Variants in PARP8 observed in about 807,000 individuals in gnomAD.
PARP8 encodes the protein protein mono-ADP-ribosyltransferase PARP8.
In PARP8, 51 loss-of-function variants were observed where a neutral mutation model predicts 124.1. The observed-to-expected ratio is 0.41, with a 90% CI of 0.33 to 0.52. The LOEUF is 0.52. PARP8 is among the 20% of genes least tolerant of loss of function. PARP8 has a pLI of 0.21. For missense variants in PARP8, 860 were observed against 1,018.9 expected (o/e 0.84, Z 2.12); for synonymous variants, 391 against 361.5 (o/e 1.08, Z -0.93).
Position 50,763,174 on chromosome 5 carries a change from G to A in PARP8, c.450G>A (p.Lys150=), listed in dbSNP as rs550488402. ...GQVNYDGELH[K]HPQLEADLSA... ...TGAACTATGATGGGGAACTGCACAA[G>A]CACCCACAACTGGAAGCTGATTTGT... Residue 150 remains lysine, a synonymous_variant, in exon 7 of 26, where the codon AAG becomes AAA. Transcript: ENST00000281631. 4 of 1,613,546 alleles carry A rather than the reference G, an allele frequency of 2.5e-6. No homozygotes were observed. Among genetic ancestry groups the A allele is most frequent in the African/African-American group, 2.7e-5 (2 of 75,026 alleles).
intron 9 of PARP8, among the ~76,000 whole-genome samples, chr5:50,780,920 C>A (rs778543455): frequency 8.1e-5 from 1 of 12,414 alleles, no homozygotes; most frequent in African/African-American, 3.6e-4. Context: ...TTGTTGTGTA[C>A]TTTTTGGACT....
At chr5:50,766,874 G>C (rs1456717240) in intron 7 of PARP8, among the ~76,000 whole-genome samples, 1 of 152,030 alleles carries the variant, frequency 6.6e-6, no homozygotes, top group Non-Finnish European at 1.5e-5. Context: ...AATGGTAAAT[G>C]AAAGGAAAGA....
chr5:50,778,629 A>T lies in PARP8; in HGVS notation c.649A>T (p.Thr217Ser). Residue 217 changes from threonine (T) to serine (S), a missense_variant, in exon 9 of 26, where the codon ACA becomes TCA. Thr to Ser is a moderately conservative substitution (Grantham distance 58). Around this residue, in one of 2 missense-constraint regions of PARP8, gnomAD observed 517 missense variants for 544.2 expected, o/e 0.95. Transcript: ENST00000281631. ...AATTGTTCGACTACACTGTTCACTT[A>T]CACAGTATTTAAATGGCCCAGGTTA... ...PIIVRLHCSL[T>S]QYLNGPVPTV... 1 of 1,603,818 alleles carries T rather than the reference A, an allele frequency of 6.2e-7. No homozygotes were observed. The highest frequency in any genetic ancestry group is 8.5e-7 in the Non-Finnish European group (1 of 1,175,416).
At chr5:50,792,529 G>A (rs559611834) in intron 10 of PARP8, among the ~76,000 whole-genome samples, 20 of 151,514 alleles carry the variant, frequency 1.3e-4, no homozygotes, top group East Asian at 9.7e-4. Flanking sequence ...AGCACTTGCC[G>A]TCTTTCTTAA....
chr5:50,825,033 T>G (rs1031452626), intron 18 of PARP8, 58 bp downstream of exon 18: 19 of 1,418,628 alleles, frequency 1.3e-5, no homozygotes, highest in African/African-American at 4.3e-5. Flanking sequence ...CTGCTTGATT[T>G]AAGGAAAAAA....
intron 6 of PARP8, 137 bp downstream of exon 6, chr5:50,762,035 T>C: frequency 4.5e-6 from 2 of 442,546 alleles, no homozygotes; most frequent in Non-Finnish European, 8.2e-6. Flanking sequence ...ATCTATATAA[T>C]TTATCTTTGC....
At chr5:50,713,596 G>A (rs950685480) in intron 2 of PARP8, among the ~76,000 whole-genome samples, 10 of 151,876 alleles carry the variant, frequency 6.6e-5, no homozygotes, top group African/African-American at 2.4e-4. Context: ...ATAATATAAT[G>A]TGGTAGACAG....
intron 2 of PARP8, among the ~76,000 whole-genome samples, chr5:50,748,094 C>CT (rs1471352804): frequency 6.6e-6 from 1 of 151,900 alleles, no homozygotes; most frequent in Non-Finnish European, 1.5e-5. Flanking sequence ...TTTGTTCCTT[C>CT]TGTTTTTTGT....
chr5:50,712,387 T>A (rs1754852468), intron 2 of PARP8, among the ~76,000 whole-genome samples: 1 of 152,152 alleles, frequency 6.6e-6, no homozygotes, highest in Non-Finnish European at 1.5e-5. Context: ...TTTTCATGCT[T>A]CAATTATTGT....
chr5:50,775,003 G>A (rs1367706575), intron 7 of PARP8, among the ~76,000 whole-genome samples: 7 of 149,908 alleles, frequency 4.7e-5, no homozygotes, highest in Non-Finnish European at 7.4e-5. Context: ...GATGATGGGC[G>A]GCCAGGCAGA....
At chr5:50,817,999 C>T (rs1012228219) in intron 15 of PARP8, among the ~76,000 whole-genome samples, 8 of 152,126 alleles carry the variant, frequency 5.3e-5, no homozygotes, top group East Asian at 1.9e-4. Flanking sequence ...TATTTCTTTG[C>T]ATTTCCATCC....
intron 15 of PARP8, among the ~76,000 whole-genome samples, chr5:50,820,277 G>A (rs777392899): frequency 6.6e-6 from 1 of 152,144 alleles, no homozygotes; most frequent in Non-Finnish European, 1.5e-5. Context: ...TTAAATGCCT[G>A]TCTAAAGACT....
At chr5:50,686,327 C>T (rs1344802250) in intron 2 of PARP8, among the ~76,000 whole-genome samples, 2 of 152,204 alleles carry the variant, frequency 1.3e-5, no homozygotes, top group African/African-American at 2.4e-5. Flanking sequence ...TGTCTCACAT[C>T]GAGGTTACAC....
rs569914443 is a variant in PARP8, at chr5:50,844,889, T to C, written c.*2821T>C. Reference sequence around the variant, plus strand: ...AATAATCTAGTGCTATAAAATGCATTATAGTAAGACACTTTTGGTGTCTTC... The same window carrying C: ...AATAATCTAGTGCTATAAAATGCATCATAGTAAGACACTTTTGGTGTCTTC... On this transcript the variant is annotated 3_prime_UTR_variant, in exon 26 of 26. Coordinates refer to ENST00000281631, the MANE Select transcript of PARP8 (RefSeq NM_024615.4). The C allele has an allele frequency of 2.0e-5, 3 of 151,672 alleles. No individual in the cohort carries two copies. The highest frequency in any genetic ancestry group is 4.4e-5 in the Non-Finnish European group (3 of 67,750). The allele number at this position is 151,672 out of a possible 1,614,324, so 9.4% of individuals were successfully genotyped here. A position where few individuals can be genotyped will look rare whatever the true frequency, so the allele number is the denominator to read the frequency against.
chr5:50,739,734 T>TATATATATATATA, intron 2 of PARP8, among the ~76,000 whole-genome samples: 1 of 106,498 alleles, frequency 9.4e-6, no homozygotes, highest in African/African-American at 4.1e-5. Context: ...ATATATATAT[T>TATATATATATATA]TTTTTTTTTT....
intron 2 of PARP8, among the ~76,000 whole-genome samples, chr5:50,688,014 C>T (rs966711098): frequency 2.6e-5 from 4 of 152,122 alleles, no homozygotes; most frequent in Non-Finnish European, 5.9e-5. Flanking sequence ...ACCATACTGG[C>T]TGTGTTTTAA....
In PARP8 at chr5:50,824,433, C is replaced by T. The variant is rs6876788; in HGVS notation, c.1861-475C>T. ...AAGGCAGAGGAGAGGAAGCAAAAGG[C>T]GCTACAAGTAAGTGAAAAGGCAAGG... On this transcript the variant is annotated intron_variant, in intron 17 of 25. Coordinates refer to ENST00000281631, the MANE Select transcript of PARP8 (RefSeq NM_024615.4). Among the ~76,000 whole-genome samples the T allele has an allele frequency of 7.3e-3, 1,105 of 152,008 alleles. 14 individuals carry two copies. Among genetic ancestry groups the T allele is most frequent in the African/African-American group, 0.025 (1,056 of 41,444 alleles).
At chr5:50,719,049 TTC>T (rs1357163366) in intron 2 of PARP8, among the ~76,000 whole-genome samples, 2 of 152,060 alleles carry the variant, frequency 1.3e-5, no homozygotes, top group Non-Finnish European at 2.9e-5. Context: ...TGGGTTGCAT[TTC>T]TCTGATTATT....
At chr5:50,697,347 G>A (rs1753144696) in intron 2 of PARP8, among the ~76,000 whole-genome samples, 1 of 152,140 alleles carries the variant, frequency 6.6e-6, no homozygotes. Context: ...GTTATTGAAT[G>A]AATAGAATCC....
Sources: gnomAD v4.1 joint callset for allele counts (sites outside exome capture counted in the v4.1 genomes callset) on GRCh38, gnomAD v4.1.1 for gene constraint, gnomAD v4.1.1 regional missense constraint, MANE v1.5 for transcripts, NCBI Gene and HGNC (gene_info 2026-07-23, HGNC 2026-07-21) for gene names.